SLC7A8: variants seen among roughly 807,000 people sequenced by gnomAD.
SLC7A8 encodes the protein large neutral amino acids transporter small subunit 2.
In SLC7A8, 30 loss-of-function variants were observed where a neutral mutation model predicts 51.2. The ratio of observed to expected loss-of-function variants is 0.59; its 90% CI spans 0.44 to 0.80. SLC7A8 has a LOEUF of 0.80. Among genes scored for constraint, SLC7A8 ranks in the 30% least tolerant of loss-of-function variants. The probability of loss-of-function intolerance (pLI) is 0.00; values close to 1 mark genes in which losing one functional copy is unlikely to be tolerated. For missense variants in SLC7A8, 612 were observed against 674.4 expected, an observed-to-expected ratio of 0.91 and a Z score of 1.03; for synonymous variants, 257 against 275.8, an observed-to-expected ratio of 0.93 and a Z score of 0.67.
At chr14:23,168,419 T>C (rs10138496) in intron 1 of SLC7A8, among the ~76,000 whole-genome samples, 1 of 152,136 alleles carries the variant, frequency 6.6e-6, no homozygotes, top group African/African-American at 2.4e-5. Flanking sequence ...AAATGAGAGA[T>C]CTAGAGACAG....
intron 3 of SLC7A8, among the ~76,000 whole-genome samples, chr14:23,151,614 C>T (rs1337791574): frequency 6.6e-6 from 1 of 151,826 alleles, no homozygotes; most frequent in Non-Finnish European, 1.5e-5. Context: ...GAAAATTAGC[C>T]AGATGTGGTG....
intron 1 of SLC7A8, among the ~76,000 whole-genome samples, chr14:23,182,195 C>A (rs73600430): frequency 0.02 from 3,014 of 152,310 alleles, 35 homozygotes; most frequent in Middle Eastern, 0.082. Flanking sequence ...ACTTCCCCAT[C>A]TGTGAAATGG....
chr14:23,163,553 C>G (rs1009451242), intron 3 of SLC7A8, among the ~76,000 whole-genome samples: 1 of 152,186 alleles, frequency 6.6e-6, no homozygotes. Flanking sequence ...CCTCTTGGGT[C>G]CCAGCTGCCT....
chr14:23,162,611 G>C (rs1172411925), intron 3 of SLC7A8, among the ~76,000 whole-genome samples: 2 of 152,196 alleles, frequency 1.3e-5, no homozygotes, highest in African/African-American at 4.8e-5. Context: ...CAGTGTCTAG[G>C]TGAGGGGAAG....
At chr14:23,129,039 C>T (rs569173161) in intron 9 of SLC7A8, among the ~76,000 whole-genome samples, 4 of 152,284 alleles carry the variant, frequency 2.6e-5, no homozygotes, top group Admixed American at 6.5e-5. Flanking sequence ...CGTAGGAGAA[C>T]TCATAATGCT....
chr14:23,182,298 AT>A (rs1196141812), intron 1 of SLC7A8, among the ~76,000 whole-genome samples: 2 of 152,224 alleles, frequency 1.3e-5, no homozygotes, highest in Non-Finnish European at 2.9e-5. Flanking sequence ...TGCTCTTGCT[AT>A]TTTTAATACC....
chr14:23,176,545 C>T (rs1307376261), intron 1 of SLC7A8, among the ~76,000 whole-genome samples: 4 of 152,154 alleles, frequency 2.6e-5, no homozygotes, highest in Admixed American at 6.5e-5. Context: ...CTCTGTGACT[C>T]AATTTCCCCA....
chr14:23,157,725 CCTGA>C (rs1207320093), intron 3 of SLC7A8, among the ~76,000 whole-genome samples: 3 of 152,326 alleles, frequency 2.0e-5, no homozygotes, highest in South Asian at 2.1e-4. Context: ...CTGAATATTG[CCTGA>C]CTATGTCCAA....
rs113831288 is a variant in SLC7A8 at position 23,162,929 on chromosome 14, A to T, written c.508+2356T>A. On this transcript the variant is annotated intron_variant, in intron 3 of 10. Transcript: ENST00000316902. Reference sequence around the variant, plus strand: ...GGGTAAGGGTGGCCTCTTGTCTGAGACACTTTAGCAGCATCAGCAGGAAAA... The same window carrying T: ...GGGTAAGGGTGGCCTCTTGTCTGAGTCACTTTAGCAGCATCAGCAGGAAAA... Among the ~76,000 whole-genome samples, 103 of 152,126 alleles carry T rather than the reference A, an allele frequency of 6.8e-4. 1 individual carries two copies. Among genetic ancestry groups the T allele is most frequent in the Non-Finnish European group, 1.2e-3 (83 of 67,986 alleles).
At position 23,131,455 on chromosome 14, in the gene SLC7A8, C is replaced by T; in HGVS notation, c.1113+6G>A. On this transcript the variant is annotated splice_donor_region_variant and intron_variant, in intron 8 of 10. Coordinates refer to ENST00000316902, the MANE Select transcript of SLC7A8 (RefSeq NM_012244.4). ...TGTGGAGAGTTACAGCAGGAAGGGC[C>T]CTTACTGTGAAGAGCAGGGCTGGGA... 6.3e-7 allele frequency: 1 copy of T among 1,586,090 alleles called. No individual in the cohort carries two copies. The highest frequency in any genetic ancestry group is 8.6e-7 in the Non-Finnish European group (1 of 1,166,718).
intron 8 of SLC7A8, 81 bp downstream of exon 8, chr14:23,131,380 G>T: frequency 8.3e-7 from 1 of 1,209,090 alleles, no homozygotes; most frequent in African/African-American, 1.5e-5. Context: ...AGGGGTGTGT[G>T]TGAAAAGCAT....
At chr14:23,146,114 G>A (rs911431148) in intron 3 of SLC7A8, among the ~76,000 whole-genome samples, 1 of 152,224 alleles carries the variant, frequency 6.6e-6, no homozygotes, top group Non-Finnish European at 1.5e-5. Flanking sequence ...GGCATGCAAG[G>A]TACAAGGCTG....
Position 23,182,828 on chromosome 14 carries a change from G to A in SLC7A8, c.87C>T (p.Ser29=), listed in dbSNP as rs753261083. Residue 29 remains serine (S), a synonymous_variant, in exon 1 of 11, where the codon TCC becomes TCT. Transcript: ENST00000316902. The part of the protein sequence containing the change: ...GESDASPEAG[S]GGGGVALKKE... Reference sequence around the variant, plus strand: ...TCTTCAGGGCTACTCCGCCCCCTCCGGAACCAGCCTCGGGGCTGGCGTCCG... The same window carrying A: ...TCTTCAGGGCTACTCCGCCCCCTCCAGAACCAGCCTCGGGGCTGGCGTCCG... The A allele has an allele frequency of 6.2e-7, 1 of 1,613,812 alleles. No individual in the cohort carries two copies. Among genetic ancestry groups the A allele is most frequent in the Non-Finnish European group, 8.5e-7 (1 of 1,179,874 alleles).
At chr14:23,179,125 A>G (rs773718201) in intron 1 of SLC7A8, among the ~76,000 whole-genome samples, 6 of 151,970 alleles carry the variant, frequency 3.9e-5, no homozygotes, top group Non-Finnish European at 7.4e-5. Context: ...CCCCTACTTC[A>G]TCTTCTCCTC....
chr14:23,140,386 G>A, intron 5 of SLC7A8, 85 bp downstream of exon 5: 1 of 1,380,294 alleles, frequency 7.2e-7, no homozygotes, highest in Non-Finnish European at 9.9e-7. Flanking sequence ...AGGCGAGGTG[G>A]GCAATGGACA....
At chr14:23,179,582 A>G (rs1271978539) in intron 1 of SLC7A8, among the ~76,000 whole-genome samples, 1 of 151,728 alleles carries the variant, frequency 6.6e-6, no homozygotes, top group Non-Finnish European at 1.5e-5. Flanking sequence ...CCGAGGTGGG[A>G]GGATTTCTTG....
Position 23,154,997 on chromosome 14 carries a change from A to AC in SLC7A8, c.508+10287dup, listed in dbSNP as rs1411165121. Among the ~76,000 whole-genome samples, 3 of 62,560 alleles carry AC rather than the reference A, an allele frequency of 4.8e-5. No homozygotes were observed. In the East Asian group the frequency reaches 1.6e-3, roughly 33 times the overall value. 41.0% of individuals were successfully genotyped at this position (62,560 alleles called of 152,430 possible). On this transcript the variant is annotated intron_variant, in intron 3 of 10. Transcript: ENST00000316902. ...AAACCCACAAAAAGCCACACAACAG[A>AC]CAAAAAAAAAAAAAAAAAAAAATCA...
At chr14:23,145,825 A>C (rs929058155) in intron 3 of SLC7A8, among the ~76,000 whole-genome samples, 53 of 152,344 alleles carry the variant, frequency 3.5e-4, no homozygotes, top group African/African-American at 1.3e-3. Context: ...CTTCAAGAGC[A>C]GAAGCTCCTG....
Position 23,159,627 on chromosome 14 carries a change from G to A in SLC7A8, c.508+5658C>T, listed in dbSNP as rs551612510. On this transcript the variant is annotated intron_variant, in intron 3 of 10. Transcript: ENST00000316902. ...TGAGGTTAAGGGATTTAGATGATAGGAAAGACTATTGAATGCTCTGAGGTC... is the reference window on the plus strand; with the variant it reads ...TGAGGTTAAGGGATTTAGATGATAGAAAAGACTATTGAATGCTCTGAGGTC... 1.1e-3 allele frequency among the ~76,000 whole-genome samples: 164 copies of A among 152,308 alleles called. 1 individual carries two copies. The highest frequency in any genetic ancestry group is 0.01 in the Middle Eastern group (3 of 294).
Sources: gnomAD v4.1 joint callset for allele counts (sites outside exome capture counted in the v4.1 genomes callset) on GRCh38, gnomAD v4.1.1 for gene constraint, MANE v1.5 for transcripts, NCBI Gene and HGNC (gene_info 2026-07-23, HGNC 2026-07-21) for gene names.